PPP2R2B: variants seen among roughly 807,000 people sequenced by gnomAD.
PPP2R2B encodes the protein protein phosphatase 2 regulatory subunit Bbeta.
In PPP2R2B, 5 loss-of-function variants were observed where a neutral mutation model predicts 46.0. The ratio of observed to expected loss-of-function variants is 0.11; its 90% CI spans 0.06 to 0.23. The LOEUF (loss-of-function observed/expected upper bound fraction) is 0.23. Ranked by LOEUF, PPP2R2B falls within the 10% of genes least tolerant of loss-of-function variation. The pLI is 1.00. For synonymous variants in PPP2R2B, 215 were observed against 206.7 expected (o/e 1.04, Z -0.34); for missense variants, 367 against 575.0 (o/e 0.64, Z 3.70).
intron 2 of PPP2R2B, among the ~76,000 whole-genome samples, chr5:146,718,617 T>C (rs543123711): frequency 6.6e-6 from 1 of 152,276 alleles, no homozygotes; most frequent in South Asian, 2.1e-4. Flanking sequence ...CGAAAACACA[T>C]GCATTATAAA....
intron 1 of PPP2R2B, among the ~76,000 whole-genome samples, chr5:146,909,618 A>G (rs930793419): frequency 6.6e-6 from 1 of 152,218 alleles, no homozygotes; most frequent in Non-Finnish European, 1.5e-5. Flanking sequence ...CTTAAACTGG[A>G]ATCCATTTAC....
intron 2 of PPP2R2B, among the ~76,000 whole-genome samples, chr5:146,736,526 C>T (rs1752548824): frequency 6.6e-6 from 1 of 152,152 alleles, no homozygotes; most frequent in African/African-American, 2.4e-5. Flanking sequence ...ATCCAAACCT[C>T]ATATGTCTAA....
At chr5:146,901,813 T>C (rs1421815710) in intron 1 of PPP2R2B, among the ~76,000 whole-genome samples, 1 of 152,052 alleles carries the variant, frequency 6.6e-6, no homozygotes, top group Non-Finnish European at 1.5e-5. Context: ...TAATGGTCGG[T>C]GTGATGAGTG....
chr5:146,665,507 G>A (rs1469799278), intron 5 of PPP2R2B, among the ~76,000 whole-genome samples: 1 of 152,186 alleles, frequency 6.6e-6, no homozygotes, highest in Non-Finnish European at 1.5e-5. Context: ...TCGGCTTAAG[G>A]AAATGTTGTG....
intron 1 of PPP2R2B, among the ~76,000 whole-genome samples, chr5:146,913,617 G>A (rs939169470): frequency 6.6e-6 from 1 of 150,966 alleles, no homozygotes; most frequent in Non-Finnish European, 1.5e-5. Flanking sequence ...TTTGCCTTTA[G>A]CTGAGGACCC....
chr5:147,030,446 G>A (rs1755728843), intron 1 of PPP2R2B, among the ~76,000 whole-genome samples: 1 of 152,020 alleles, frequency 6.6e-6, no homozygotes, highest in African/African-American at 2.4e-5. Flanking sequence ...GAAGCTTGCT[G>A]AGAGATTTTT....
intron 1 of PPP2R2B, among the ~76,000 whole-genome samples, chr5:147,027,378 TAATCCC>T (rs767297794): frequency 9.9e-5 from 15 of 152,172 alleles, no homozygotes; most frequent in Non-Finnish European, 1.6e-4. Context: ...TTCACACCTC[TAATCCC>T]AGCACTTTGT....
intron 6 of PPP2R2B, among the ~76,000 whole-genome samples, chr5:146,642,747 T>C (rs1435909997): frequency 6.6e-6 from 1 of 152,200 alleles, no homozygotes; most frequent in East Asian, 1.9e-4. Flanking sequence ...TTTAATAAAG[T>C]TGTATTTCAG....
At chr5:146,812,494 ACTGTATATATATACAG>A (rs1757616318) in intron 2 of PPP2R2B, among the ~76,000 whole-genome samples, 1 of 26,076 alleles carries the variant, frequency 3.8e-5, no homozygotes, top group Non-Finnish European at 1.1e-4. Flanking sequence ...ATATATATAT[ACTGTATATATATACAG>A]TATATATATA....
intron 1 of PPP2R2B, among the ~76,000 whole-genome samples, chr5:147,006,340 G>A (rs200668612): frequency 6.6e-6 from 1 of 152,166 alleles, no homozygotes; most frequent in African/African-American, 2.4e-5. Context: ...TGGACTGAAC[G>A]AGGTCTTATT....
intron 2 of PPP2R2B, among the ~76,000 whole-genome samples, chr5:146,787,360 G>T (rs376171654): frequency 6.6e-6 from 1 of 152,144 alleles, no homozygotes; most frequent in Admixed American, 6.5e-5. Context: ...GAAGATAGAC[G>T]CATAGATTTT....
intron 1 of PPP2R2B, among the ~76,000 whole-genome samples, chr5:146,902,993 G>A (rs1198010705): frequency 6.6e-6 from 1 of 152,130 alleles, no homozygotes; most frequent in East Asian, 1.9e-4. Flanking sequence ...ATTCTCTCAT[G>A]AGTGTACAGC....
chr5:146,753,555 T>C (rs1246462456), intron 2 of PPP2R2B, among the ~76,000 whole-genome samples: 1 of 152,140 alleles, frequency 6.6e-6, no homozygotes, highest in East Asian at 1.9e-4. Flanking sequence ...TGACATTAAT[T>C]ATTGATATTA....
At chr5:146,594,007 G>A (rs1040213895) in intron 8 of PPP2R2B, among the ~76,000 whole-genome samples, 1 of 152,074 alleles carries the variant, frequency 6.6e-6, no homozygotes, top group Non-Finnish European at 1.5e-5. Flanking sequence ...AGAGCAGATA[G>A]GACTTGGGTC....
At chr5:146,859,079 C>A (rs1427010520) in intron 2 of PPP2R2B, among the ~76,000 whole-genome samples, 3 of 152,114 alleles carry the variant, frequency 2.0e-5, no homozygotes. Flanking sequence ...ATTCCAATAT[C>A]ATAGAAAGAG....
chr5:146,619,594 C>T (rs1293767158), intron 7 of PPP2R2B, among the ~76,000 whole-genome samples: 2 of 152,210 alleles, frequency 1.3e-5, no homozygotes, highest in African/African-American at 4.8e-5. Context: ...TTTTGAGGAA[C>T]TCTAATTTTT....
chr5:146,713,283 G>A (rs1780307651), intron 2 of PPP2R2B, among the ~76,000 whole-genome samples: 1 of 152,154 alleles, frequency 6.6e-6, no homozygotes, highest in South Asian at 2.1e-4. Context: ...AGTGTGCCTA[G>A]AGCAGAACAA....
chr5:146,866,745 A>G (rs1438284363), intron 2 of PPP2R2B, among the ~76,000 whole-genome samples: 1 of 152,194 alleles, frequency 6.6e-6, no homozygotes, highest in East Asian at 1.9e-4. Context: ...CATCCAGAAT[A>G]CTTAACCTGA....
intron 1 of PPP2R2B, among the ~76,000 whole-genome samples, chr5:147,044,583 CTTTT>C (rs564720477): frequency 6.6e-6 from 1 of 152,034 alleles, no homozygotes. Context: ...CAGTATCATG[CTTTT>C]TTTATTTTTT....
Sources: gnomAD v4.1 joint callset for allele counts (sites outside exome capture counted in the v4.1 genomes callset) on GRCh38, gnomAD v4.1.1 for gene constraint, MANE v1.5 for transcripts, NCBI Gene and HGNC (gene_info 2026-07-23, HGNC 2026-07-21) for gene names.